CDH12: variants seen among roughly 807,000 people sequenced by gnomAD.
The protein encoded by CDH12 is cadherin-12.
CDH12 carries 41 observed loss-of-function variants against 74.1 expected under a neutral mutation model. The ratio of observed to expected loss-of-function variants is 0.55; its 90% CI spans 0.43 to 0.72. The LOEUF is 0.72. Among genes scored for constraint, CDH12 ranks in the 30% least tolerant of loss-of-function variants. CDH12 has a pLI of 0.00. For synonymous variants in CDH12, 399 were observed against 355.0 expected (o/e 1.12, Z -1.39); for missense variants, 945 against 977.2 (o/e 0.97, Z 0.44).
At chr5:22,199,262 C>G (rs1330329266) in intron 4 of CDH12, among the ~76,000 whole-genome samples, 2 of 152,072 alleles carry the variant, frequency 1.3e-5, no homozygotes, top group East Asian at 3.9e-4. Flanking sequence ...AAACCAAAGA[C>G]AACGAAGAGA....
intron 4 of CDH12, among the ~76,000 whole-genome samples, chr5:22,138,356 AAAATT>A (rs1040811740): frequency 6.6e-6 from 1 of 151,636 alleles, no homozygotes; most frequent in Non-Finnish European, 1.5e-5. Flanking sequence ...TTTATAATAT[AAAATT>A]TAGAAAGATT....
intron 1 of CDH12, among the ~76,000 whole-genome samples, chr5:22,648,624 A>G (rs1022635775): frequency 3.3e-5 from 5 of 151,894 alleles, no homozygotes; most frequent in Non-Finnish European, 7.4e-5. Flanking sequence ...AAAGTTAAAT[A>G]TATTTCTTAT....
intron 1 of CDH12, among the ~76,000 whole-genome samples, chr5:22,602,290 G>A (rs932715113): frequency 1.3e-5 from 2 of 152,112 alleles, no homozygotes; most frequent in African/African-American, 2.4e-5. Flanking sequence ...CCAAGTGACA[G>A]ACTCAGTGTT....
intron 3 of CDH12, among the ~76,000 whole-genome samples, chr5:22,356,638 T>C (rs1172389323): frequency 2.0e-5 from 3 of 152,148 alleles, no homozygotes; most frequent in Non-Finnish European, 4.4e-5. Context: ...AATTTGCATA[T>C]GTCAGTATAT....
intron 1 of CDH12, among the ~76,000 whole-genome samples, chr5:22,526,517 C>G (rs1408138824): frequency 6.6e-6 from 1 of 152,110 alleles, no homozygotes; most frequent in Non-Finnish European, 1.5e-5. Flanking sequence ...TTTGCCAGAT[C>G]AATAGCTGCA....
chr5:21,883,468 T>C (rs2150035674), intron 6 of CDH12: 1 of 1,612,318 alleles, frequency 6.2e-7, no homozygotes, highest in East Asian at 2.2e-5. Flanking sequence ...AGGCTAAAGG[T>C]TGGTCTTCAG....
At position 21,902,761 on chromosome 5, in the gene CDH12, T is replaced by A. The variant is rs953248256; in HGVS notation, c.527-47971A>T. The stretch of plus-strand genomic sequence containing the variant: ...AACTTTAATTTTGTTCAATTTTTTT[T>A]AAAATTTATTTTTAATTAGTCAATG... On this transcript the variant is annotated intron_variant, in intron 6 of 14. Coordinates refer to ENST00000382254, the MANE Select transcript of CDH12 (RefSeq NM_004061.5). Among the ~76,000 whole-genome samples, 11 of 152,272 alleles carry A rather than the reference T, an allele frequency of 7.2e-5. No individual in the cohort carries two copies. In the South Asian group the frequency reaches 1.0e-3, roughly 14 times the overall value.
intron 1 of CDH12, among the ~76,000 whole-genome samples, chr5:22,683,599 A>G (rs1407289030): frequency 6.6e-6 from 1 of 152,194 alleles, no homozygotes; most frequent in African/African-American, 2.4e-5. Context: ...TTGAAAAAGC[A>G]ATTTCTCAAA....
intron 5 of CDH12, among the ~76,000 whole-genome samples, chr5:22,030,134 A>G (rs1738713736): frequency 1.3e-5 from 2 of 151,288 alleles, no homozygotes; most frequent in Non-Finnish European, 2.9e-5. Flanking sequence ...GGAGGGGGGA[A>G]GGACAGCATT....
At chr5:22,498,637 A>G (rs1405712556) in intron 2 of CDH12, among the ~76,000 whole-genome samples, 3 of 151,954 alleles carry the variant, frequency 2.0e-5, no homozygotes, top group African/African-American at 7.2e-5. Flanking sequence ...AAGAATGCCA[A>G]AAATATACAT....
intron 3 of CDH12, among the ~76,000 whole-genome samples, chr5:22,302,838 C>T (rs143584526): frequency 1.1e-3 from 169 of 152,030 alleles, no homozygotes; most frequent in African/African-American, 3.2e-3. Context: ...GCACTAGGAA[C>T]GTAAAACTGA....
At chr5:21,905,557 G>T (rs1172134179) in intron 6 of CDH12, among the ~76,000 whole-genome samples, 3 of 152,108 alleles carry the variant, frequency 2.0e-5, no homozygotes. Flanking sequence ...CAATTACCAG[G>T]CTCTGGCCAC....
chr5:21,975,600 G>A (rs2910537), intron 5 of CDH12, among the ~76,000 whole-genome samples: 1 of 152,018 alleles, frequency 6.6e-6, no homozygotes, highest in African/African-American at 2.4e-5. Context: ...AAAACTGTGC[G>A]ATGAACGCAT....
intron 1 of CDH12, among the ~76,000 whole-genome samples, chr5:22,773,144 G>T (rs567044299): frequency 9.5e-4 from 144 of 151,934 alleles, no homozygotes; most frequent in Non-Finnish European, 1.7e-3. Context: ...ATAGAATTAG[G>T]AATAGCTATT....
Position 21,823,101 on chromosome 5 carries a change from A to T in CDH12, c.815-5969T>A, listed in dbSNP as rs949905473. Reference sequence around the variant, plus strand: ...TGACAAGGAAAAACACATAAACAAAAAGACAAGTGTTTTTCTTGATGGCAT... The same window carrying T: ...TGACAAGGAAAAACACATAAACAAATAGACAAGTGTTTTTCTTGATGGCAT... On this transcript the variant is annotated intron_variant, in intron 8 of 14. Coordinates refer to ENST00000382254, the MANE Select transcript of CDH12 (RefSeq NM_004061.5). Among the ~76,000 whole-genome samples, 15 of 152,130 alleles carry T rather than the reference A, an allele frequency of 9.9e-5. 1 individual carries two copies. Among genetic ancestry groups the T allele is most frequent in the African/African-American group, 3.6e-4 (15 of 41,450 alleles).
chr5:22,335,701 G>T (rs764495539), intron 3 of CDH12, among the ~76,000 whole-genome samples: 13 of 152,068 alleles, frequency 8.5e-5, no homozygotes, highest in Non-Finnish European at 1.9e-4. Flanking sequence ...CACCATGTTT[G>T]TGAGGCCTCC....
intron 6 of CDH12, among the ~76,000 whole-genome samples, chr5:21,939,233 A>G (rs748399497): frequency 2.4e-4 from 31 of 129,202 alleles, no homozygotes; most frequent in Non-Finnish European, 4.1e-4. Flanking sequence ...TATATATAAA[A>G]TTATCAAAAA....
intron 3 of CDH12, among the ~76,000 whole-genome samples, chr5:22,402,726 G>A (rs1212440238): frequency 1.3e-5 from 2 of 152,056 alleles, no homozygotes; most frequent in Non-Finnish European, 2.9e-5. Flanking sequence ...CTAAAGAGAG[G>A]GTCAAAGGTA....
intron 1 of CDH12, among the ~76,000 whole-genome samples, chr5:22,784,053 T>A (rs1747510672): frequency 6.6e-6 from 1 of 152,122 alleles, no homozygotes; most frequent in Admixed American, 6.6e-5. Context: ...ATTATTTTTC[T>A]CTATATATTT....
Sources: gnomAD v4.1 joint callset for allele counts (sites outside exome capture counted in the v4.1 genomes callset) on GRCh38, gnomAD v4.1.1 for gene constraint, MANE v1.5 for transcripts, NCBI Gene and HGNC (gene_info 2026-07-23, HGNC 2026-07-21) for gene names.